The following DPP10 variants were observed in gnomAD, a reference collection of about 807,000 sequenced individuals.
The protein encoded by DPP10 is dipeptidyl peptidase like 10.
In DPP10, 33 loss-of-function variants were observed where a neutral mutation model predicts 120.9. That is an observed-to-expected ratio of 0.27 (90% CI 0.21 to 0.37). DPP10 has a LOEUF of 0.37. DPP10 is among the 10% of genes least tolerant of loss of function. The probability of loss-of-function intolerance (pLI) is 1.00; values close to 1 mark genes in which losing one functional copy is unlikely to be tolerated. For synonymous variants in DPP10, 337 were observed against 326.1 expected (o/e 1.03, Z -0.36); for missense variants, 816 against 942.8 (o/e 0.87, Z 1.76).
chr2:115,445,723 A>T (rs2072520461), intron 3 of DPP10, among the ~76,000 whole-genome samples: 1 of 152,186 alleles, frequency 6.6e-6, no homozygotes, highest in African/African-American at 2.4e-5. Flanking sequence ...ATGTGGTAGA[A>T]AAGAAAAACC....
chr2:114,923,761 T>C (rs1387142133), intron 1 of DPP10, among the ~76,000 whole-genome samples: 1 of 152,154 alleles, frequency 6.6e-6, no homozygotes, highest in Non-Finnish European at 1.5e-5. Flanking sequence ...CCACCGCACC[T>C]GGCCTTTTTC....
At chr2:114,596,852 C>T (rs1029831987) in intron 1 of DPP10, among the ~76,000 whole-genome samples, 3 of 152,010 alleles carry the variant, frequency 2.0e-5, no homozygotes, top group South Asian at 2.1e-4. Context: ...TTACATTATC[C>T]TTCTCTTGCA....
chr2:114,800,455 C>T (rs563706620), intron 1 of DPP10, among the ~76,000 whole-genome samples: 3 of 152,304 alleles, frequency 2.0e-5, no homozygotes, highest in Admixed American at 6.5e-5. Context: ...AAACACTTCA[C>T]ATACGAGGAA....
intron 1 of DPP10, among the ~76,000 whole-genome samples, chr2:114,892,016 T>C (rs962908478): frequency 6.6e-6 from 1 of 152,158 alleles, no homozygotes; most frequent in African/African-American, 2.4e-5. Context: ...CTCCATGAAG[T>C]AGGACCCTTT....
At chr2:115,168,049 A>G (rs963090161) in intron 1 of DPP10, among the ~76,000 whole-genome samples, 4 of 152,172 alleles carry the variant, frequency 2.6e-5, no homozygotes, top group Admixed American at 1.3e-4. Flanking sequence ...ATTTCAGTCA[A>G]TGTAGCAGGA....
rs777735483 is a variant in DPP10 at position 115,333,563 on chromosome 2, G to A, written c.176-10254G>A. ...GCATGTTTTTGCAGTGGCTGGTACT[G>A]GTTGTTCCTTTCCATGTTTAGTGCT... On this transcript the variant is annotated intron_variant, in intron 2 of 25. Coordinates refer to ENST00000410059, the MANE Select transcript of DPP10 (RefSeq NM_020868.6). Among the ~76,000 whole-genome samples, 4 of 152,070 alleles carry A rather than the reference G, an allele frequency of 2.6e-5. 1 individual carries two copies. The highest frequency in any genetic ancestry group is 6.6e-5 in the Admixed American group (1 of 15,242).
chr2:115,697,798 A>G (rs990466940), intron 7 of DPP10, among the ~76,000 whole-genome samples: 10 of 152,070 alleles, frequency 6.6e-5, no homozygotes, highest in Middle Eastern at 3.2e-3. Flanking sequence ...ATCCTGGCTA[A>G]CACGGTGAAA....
intron 1 of DPP10, among the ~76,000 whole-genome samples, chr2:115,121,895 T>A (rs2049842749): frequency 6.6e-6 from 1 of 152,192 alleles, no homozygotes; most frequent in South Asian, 2.1e-4. Context: ...ACCAGATCAT[T>A]TTTAGGCTGA....
At chr2:115,740,974 G>GT (rs906086203) in intron 9 of DPP10, among the ~76,000 whole-genome samples, 1 of 151,978 alleles carries the variant, frequency 6.6e-6, no homozygotes, top group African/African-American at 2.4e-5. Flanking sequence ...AGCACAATAG[G>GT]TTTTCTGCCG....
chr2:115,469,099 G>A (rs1044410319), intron 3 of DPP10, among the ~76,000 whole-genome samples: 2 of 151,760 alleles, frequency 1.3e-5, no homozygotes, highest in African/African-American at 4.8e-5. Flanking sequence ...CTAATTTTTT[G>A]TGTCTTTAGT....
At chr2:115,671,893 T>G (rs546909938) in intron 5 of DPP10, among the ~76,000 whole-genome samples, 1 of 152,302 alleles carries the variant, frequency 6.6e-6, no homozygotes, top group Non-Finnish European at 1.5e-5. Context: ...ATCTCACCAC[T>G]TGTGCCCCAT....
At chr2:114,445,929 C>G (rs1677919173) in intron 1 of DPP10, among the ~76,000 whole-genome samples, 1 of 152,076 alleles carries the variant, frequency 6.6e-6, no homozygotes, top group Admixed American at 6.6e-5. Context: ...GCAATTCACT[C>G]TGAAAACTTT....
intron 1 of DPP10, among the ~76,000 whole-genome samples, chr2:114,523,540 T>G (rs1201839268): frequency 6.6e-6 from 1 of 152,190 alleles, no homozygotes; most frequent in Admixed American, 6.5e-5. Context: ...TATCCTTTAT[T>G]ATGGCTTATA....
chr2:114,695,511 G>A (rs1700018961), intron 1 of DPP10, among the ~76,000 whole-genome samples: 1 of 151,984 alleles, frequency 6.6e-6, no homozygotes, highest in South Asian at 2.1e-4. Flanking sequence ...TAATTATCAA[G>A]AGAAAAAATA....
intron 5 of DPP10, among the ~76,000 whole-genome samples, chr2:115,644,201 TGTGCACAAC>T: frequency 6.6e-6 from 1 of 152,182 alleles, no homozygotes; most frequent in Non-Finnish European, 1.5e-5. Flanking sequence ...CTAGGGTACA[TGTGCACAAC>T]GTGCAGGTTT....
At chr2:114,868,473 C>T (rs116526671) in intron 1 of DPP10, among the ~76,000 whole-genome samples, 230 of 152,254 alleles carry the variant, frequency 1.5e-3, no homozygotes, top group Middle Eastern at 6.8e-3. Flanking sequence ...CATTTCACCA[C>T]GTTCACCTCC....
intron 1 of DPP10, among the ~76,000 whole-genome samples, chr2:114,448,403 A>T (rs77494791): frequency 6.6e-6 from 1 of 152,316 alleles, no homozygotes; most frequent in East Asian, 1.9e-4. Flanking sequence ...TTGTGATGAC[A>T]AATTACTAAC....
intron 1 of DPP10, among the ~76,000 whole-genome samples, chr2:115,203,813 T>C (rs1393004113): frequency 6.6e-6 from 1 of 152,138 alleles, no homozygotes; most frequent in Non-Finnish European, 1.5e-5. Flanking sequence ...GATTTTTTCT[T>C]GTTAAATTTC....
intron 1 of DPP10, among the ~76,000 whole-genome samples, chr2:114,608,593 C>A (rs990077199): frequency 7.2e-5 from 11 of 151,908 alleles, no homozygotes; most frequent in African/African-American, 2.7e-4. Flanking sequence ...CAAAAAGACA[C>A]ATACACTCAT....
Sources: allele counts gnomAD v4.1 joint callset (sites outside exome capture counted in the v4.1 genomes callset), GRCh38; gene constraint gnomAD v4.1.1; transcripts MANE v1.5; gene names NCBI Gene and HGNC (gene_info 2026-07-23, HGNC 2026-07-21).